Variants in RBBP5 observed in about 807,000 individuals in gnomAD.
The protein encoded by RBBP5 is retinoblastoma-binding protein 5.
RBBP5 carries 5 observed loss-of-function variants against 72.2 expected under a neutral mutation model. The ratio of observed to expected loss-of-function variants is 0.07; its 90% CI spans 0.04 to 0.15. The LOEUF (loss-of-function observed/expected upper bound fraction) is 0.15, where lower values mean the gene tolerates loss of function less well. RBBP5 is among the 10% of genes least tolerant of loss of function. The pLI is 1.00. For synonymous variants in RBBP5, 209 were observed against 237.2 expected (o/e 0.88, Z 1.09); for missense variants, 322 against 652.2 (o/e 0.49, Z 5.51).
intron 1 of RBBP5, among the ~76,000 whole-genome samples, chr1:205,119,947 CA>C (rs1183137825): frequency 6.6e-6 from 1 of 152,120 alleles, no homozygotes; most frequent in Non-Finnish European, 1.5e-5. Flanking sequence ...TGAAAGAATA[CA>C]AATCTCTCCC....
At position 205,099,158 on chromosome 1, in the gene RBBP5, TC is replaced by T; in HGVS notation, c.979-53del. Reference sequence around the variant, plus strand: ...CATATGTGAAAGCAATAATCTGTAATCTACACATTAATGATAAAATGAAAGA... The same window carrying T: ...CATATGTGAAAGCAATAATCTGTAATTACACATTAATGATAAAATGAAAGA... On this transcript the variant is annotated intron_variant, in intron 9 of 13. Coordinates refer to ENST00000264515, the MANE Select transcript of RBBP5 (RefSeq NM_005057.4). The surrounding 1 kb of genome is among the most constrained non-coding windows in gnomAD (Gnocchi z 4.7). The T allele has an allele frequency of 7.8e-6, 8 of 1,021,544 alleles. No homozygotes were observed. The highest frequency in any genetic ancestry group is 1.7e-5 in the African/African-American group (1 of 60,476). The allele number at this position is 1,021,544 out of a possible 1,614,324, so 63.3% of individuals were successfully genotyped here. A position where few individuals can be genotyped will look rare whatever the true frequency, so the allele number is the denominator to read the frequency against.
Position 205,100,019 on chromosome 1 carries a change from G to A in RBBP5, c.798C>T (p.Ile266=), listed in dbSNP as rs374846065. The part of the protein sequence containing the change: ...KCCFSGDGEY[I]VAGSARQHAL... ...CATGCTGCCGGGCAGAACCTGCCAC[G>A]ATGTATTCCCCATCCCCAGAGAAAC... Residue 266 remains isoleucine, a synonymous_variant, in exon 8 of 14, where the codon ATC becomes ATT. Transcript: ENST00000264515. 4.9e-5 allele frequency: 79 copies of A among 1,614,042 alleles called. No homozygotes were observed. Among genetic ancestry groups the A allele is most frequent in the East Asian group, 3.1e-4 (14 of 44,900 alleles).
chr1:205,108,299 T>C (rs1259669157), intron 3 of RBBP5, among the ~76,000 whole-genome samples: 1 of 152,156 alleles, frequency 6.6e-6, no homozygotes, highest in Admixed American at 6.5e-5. Context: ...AAACACACAT[T>C]TTAACACTGT....
intron 13 of RBBP5, among the ~76,000 whole-genome samples, chr1:205,093,499 T>C (rs1558570334): frequency 3.6e-4 from 1 of 2,816 alleles, no homozygotes; most frequent in African/African-American, 6.5e-4. Context: ...TATATATATA[T>C]ATATATATAT....
chr1:205,107,807 A>G lies in RBBP5; in HGVS notation c.219-2639T>C, dbSNP rs554882522. Among the ~76,000 whole-genome samples the G allele has an allele frequency of 4.7e-4, 72 of 152,218 alleles. 2 individuals are homozygous for G. The highest frequency in any genetic ancestry group is 1.7e-3 in the African/African-American group (71 of 41,546). On this transcript the variant is annotated intron_variant, in intron 3 of 13. Coordinates refer to ENST00000264515, the MANE Select transcript of RBBP5 (RefSeq NM_005057.4). ...CTAAAAATACAAAAATTAGCCAGGCATGGTAGCACATGCCTATAATCCCAG... is the reference window on the plus strand; with the variant it reads ...CTAAAAATACAAAAATTAGCCAGGCGTGGTAGCACATGCCTATAATCCCAG...
rs1434165066 is a variant in RBBP5 at position 205,120,777 on chromosome 1, C to CT, written c.19+1077dup. On this transcript the variant is annotated intron_variant, in intron 1 of 13. Coordinates refer to ENST00000264515, the MANE Select transcript of RBBP5 (RefSeq NM_005057.4). ...AGCCTAGGCGACGGCGCGAGGCTGT[C>CT]TTAAAAAAAAAAAAAAAAGTCCACT... Among the ~76,000 whole-genome samples the CT allele has an allele frequency of 4.7e-5, 7 of 148,584 alleles. No individual in the cohort carries two copies. In the East Asian group the frequency reaches 1.2e-3, roughly 25 times the overall value.
intron 5 of RBBP5, among the ~76,000 whole-genome samples, chr1:205,102,039 C>T (rs6593922): frequency 0.32 from 48,441 of 151,650 alleles, 9,167 homozygotes; most frequent in Non-Finnish European, 0.44. Flanking sequence ...TGGGATTACA[C>T]GCATGCGCCA....
At chr1:205,118,118 T>C (rs1389915518) in intron 1 of RBBP5, among the ~76,000 whole-genome samples, 1 of 151,986 alleles carries the variant, frequency 6.6e-6, no homozygotes. Context: ...CCTCAACTGC[T>C]TGTAAGTGCT....
In RBBP5 at chr1:205,086,574, G is replaced by C. The variant is rs1267815384; in HGVS notation, c.*2213C>G. ...AAAAACAAAATTTTGGGGGTGGCAG[G>C]GCAGGGATGACAAAAAGGAAGAAGA... On this transcript the variant is annotated 3_prime_UTR_variant, in exon 14 of 14. Coordinates refer to ENST00000264515, the MANE Select transcript of RBBP5 (RefSeq NM_005057.4). 6.6e-6 allele frequency: 1 copy of C among 151,862 alleles called. No homozygotes were observed. The highest frequency in any genetic ancestry group is 1.5e-5 in the Non-Finnish European group (1 of 68,002). 9.4% of individuals were successfully genotyped at this position (151,862 alleles called of 1,614,324 possible). A position where few individuals can be genotyped will look rare whatever the true frequency, so the allele number is the denominator to read the frequency against.
chr1:205,104,837 C>CA (rs1026572728), intron 4 of RBBP5, among the ~76,000 whole-genome samples, 191 bp downstream of exon 4: 5 of 149,616 alleles, frequency 3.3e-5, no homozygotes, highest in Non-Finnish European at 7.4e-5. Context: ...GACTCTGTCT[C>CA]AAAAAAAAGA....
intron 1 of RBBP5, among the ~76,000 whole-genome samples, chr1:205,119,930 G>A (rs1656671895): frequency 6.6e-6 from 1 of 151,868 alleles, no homozygotes; most frequent in South Asian, 2.1e-4. Flanking sequence ...GTTTCAATGA[G>A]CCCATCTGAA....
intron 13 of RBBP5, 56 bp from the exon 14 acceptor site, chr1:205,088,871 TG>T: frequency 6.8e-7 from 1 of 1,465,794 alleles, no homozygotes; most frequent in Non-Finnish European, 9.3e-7. Context: ...ACCAGTTACT[TG>T]TAAGAACAGA....
rs1655142366 is a variant in RBBP5 at position 205,086,317 on chromosome 1, AC to A, written c.*2469del. 1 of 148,358 alleles carries A rather than the reference AC, an allele frequency of 6.7e-6. No homozygotes were observed. The highest frequency in any genetic ancestry group is 1.5e-5 in the Non-Finnish European group (1 of 67,620). 9.2% of individuals were successfully genotyped at this position (148,358 alleles called of 1,614,324 possible). A position where few individuals can be genotyped will look rare whatever the true frequency, so the allele number is the denominator to read the frequency against. ...AGTGGCGCAATCTCAGCTCACTGCAACCTCTGCCTCCTGGATTCAAGCAATT... is the reference window on the plus strand; with the variant it reads ...AGTGGCGCAATCTCAGCTCACTGCAACTCTGCCTCCTGGATTCAAGCAATT... On this transcript the variant is annotated 3_prime_UTR_variant, in exon 14 of 14. Coordinates refer to ENST00000264515, the MANE Select transcript of RBBP5 (RefSeq NM_005057.4).
At chr1:205,104,714 A>C (rs12143085) in intron 4 of RBBP5, among the ~76,000 whole-genome samples, 1 of 151,564 alleles carries the variant, frequency 6.6e-6, no homozygotes, top group Non-Finnish European at 1.5e-5. Flanking sequence ...GGTGGCACGC[A>C]CCTGCAGTCC....
At position 205,121,891 on chromosome 1, in the gene RBBP5, G is replaced by C; in HGVS notation, c.-18C>G. ...AGGTTCATCCCTGCGGACTGTGGCC[G>C]CCCGGTCTCAGCTCCGGCAACAACA... On this transcript the variant is annotated 5_prime_UTR_variant, in exon 1 of 14. Coordinates refer to ENST00000264515, the MANE Select transcript of RBBP5 (RefSeq NM_005057.4). 6.2e-7 allele frequency: 1 copy of C among 1,610,144 alleles called. No individual in the cohort carries two copies. The highest frequency in any genetic ancestry group is 8.5e-7 in the Non-Finnish European group (1 of 1,179,948).
chr1:205,093,471 AAAAAAAAAATATATAT>A (rs1655439902), intron 13 of RBBP5, among the ~76,000 whole-genome samples: 1 of 12,336 alleles, frequency 8.1e-5, no homozygotes, highest in African/African-American at 2.1e-4. Flanking sequence ...AAAAAAAAAA[AAAAAAAAAATATATAT>A]ATATATATAT....
intron 1 of RBBP5, among the ~76,000 whole-genome samples, chr1:205,118,956 A>G (rs1442758324): frequency 6.6e-6 from 1 of 152,194 alleles, no homozygotes; most frequent in African/African-American, 2.4e-5. Context: ...GTCCTTCAGT[A>G]GGCTTCCACA....
intron 1 of RBBP5, among the ~76,000 whole-genome samples, chr1:205,119,454 T>A (rs1366049542): frequency 6.6e-6 from 1 of 152,208 alleles, no homozygotes; most frequent in Non-Finnish European, 1.5e-5. Flanking sequence ...ACCTTCTGTA[T>A]CATTCAAGAA....
intron 10 of RBBP5, among the ~76,000 whole-genome samples, chr1:205,098,560 T>C (rs117245044): frequency 2.0e-5 from 3 of 152,138 alleles, no homozygotes; most frequent in East Asian, 3.9e-4. Flanking sequence ...CAGTGGTTCA[T>C]AGGCCAGGCA....
Sources: allele counts gnomAD v4.1 joint callset (sites outside exome capture counted in the v4.1 genomes callset), GRCh38; gene constraint gnomAD v4.1.1; non-coding constraint Gnocchi (gnomAD v3.1); transcripts MANE v1.5; gene names NCBI Gene and HGNC (gene_info 2026-07-23, HGNC 2026-07-21).